Variants in DNAH7 observed in about 807,000 individuals in gnomAD.
The protein encoded by DNAH7 is axonemal beta dynein heavy chain 7.
In DNAH7, 397 loss-of-function variants were observed where a neutral mutation model predicts 444.6. The observed-to-expected ratio is 0.89, with a 90% confidence interval of 0.82 to 0.97. The LOEUF (loss-of-function observed/expected upper bound fraction) is 0.97, where lower values mean the gene tolerates loss of function less well. Ranked by LOEUF, DNAH7 falls within the 50% of genes least tolerant of loss-of-function variation. The pLI is 0.00. For synonymous variants in DNAH7, 1,636 were observed against 1,624.4 expected (o/e 1.01, Z -0.17); for missense variants, 4,902 against 4,800.8 (o/e 1.02, Z -0.62).
At chr2:195,754,545 T>C in intron 62 of DNAH7, 31 bp from the exon 63 acceptor site, 2 of 1,593,842 alleles carry the variant, frequency 1.3e-6, no homozygotes, top group Non-Finnish European at 1.7e-6. Context: ...GGGCTAACAG[T>C]AGCACCTTTC....
intron 7 of DNAH7, among the ~76,000 whole-genome samples, chr2:196,025,962 C>T (rs1695662394): frequency 6.6e-6 from 1 of 152,070 alleles, no homozygotes; most frequent in African/African-American, 2.4e-5. Flanking sequence ...GGCCCTGACT[C>T]CAGGGATTTT....
intron 36 of DNAH7, among the ~76,000 whole-genome samples, chr2:195,878,457 G>A (rs1276104430): frequency 6.6e-6 from 1 of 151,994 alleles, no homozygotes; most frequent in African/African-American, 2.4e-5. Context: ...AAAAATTAGA[G>A]GGTGTGGTGG....
intron 20 of DNAH7, among the ~76,000 whole-genome samples, chr2:195,935,304 G>T (rs957000064): frequency 1.3e-5 from 2 of 152,108 alleles, no homozygotes; most frequent in Non-Finnish European, 2.9e-5. Flanking sequence ...TAATACAGAT[G>T]GGACTGACAC....
chr2:195,865,769 G>T (rs1700298113), intron 40 of DNAH7, among the ~76,000 whole-genome samples: 1 of 152,108 alleles, frequency 6.6e-6, no homozygotes, highest in African/African-American at 2.4e-5. Context: ...TGGGGATAGG[G>T]CCTTTAAGGA....
chr2:195,773,759 A>G (rs972954931), intron 60 of DNAH7, among the ~76,000 whole-genome samples: 1 of 152,200 alleles, frequency 6.6e-6, no homozygotes, highest in Non-Finnish European at 1.5e-5. Context: ...GAGATCCTAG[A>G]CTATTATCTA....
intron 34 of DNAH7, among the ~76,000 whole-genome samples, chr2:195,885,882 G>C (rs1048819506): frequency 1.3e-5 from 2 of 152,180 alleles, no homozygotes; most frequent in Non-Finnish European, 2.9e-5. Context: ...CTGGTCAAAA[G>C]ACCTGAGATT....
intron 24 of DNAH7, among the ~76,000 whole-genome samples, chr2:195,911,685 C>T (rs546612554): frequency 6.6e-5 from 10 of 152,202 alleles, no homozygotes; most frequent in East Asian, 1.9e-4. Context: ...AGGAGAATAA[C>T]GAGTTTTAAG....
At chr2:196,047,527 A>C (rs1697213620) in intron 4 of DNAH7, 28 bp from the exon 5 acceptor site, 11 of 1,511,288 alleles carry the variant, frequency 7.3e-6, no homozygotes, top group African/African-American at 1.4e-5. Flanking sequence ...AAAAAAGCAC[A>C]ATTATTCATC....
intron 2 of DNAH7, among the ~76,000 whole-genome samples, chr2:196,054,223 T>C (rs1575112143): frequency 6.6e-6 from 1 of 152,216 alleles, no homozygotes; most frequent in Non-Finnish European, 1.5e-5. Context: ...CATTCTTTAT[T>C]GTTTAAATTA....
chr2:195,923,877 CT>C, intron 22 of DNAH7, 70 bp from the exon 23 acceptor site: 2 of 1,270,678 alleles, frequency 1.6e-6, no homozygotes, highest in South Asian at 2.5e-5. Context: ...ACATTCTGAA[CT>C]AGTATATATA....
intron 46 of DNAH7, among the ~76,000 whole-genome samples, chr2:195,851,044 G>A (rs538114802): frequency 2.0e-5 from 3 of 152,082 alleles, no homozygotes; most frequent in Non-Finnish European, 2.9e-5. Context: ...TGGGTTCTAG[G>A]AACCCAAGGG....
intron 58 of DNAH7, among the ~76,000 whole-genome samples, chr2:195,785,225 C>A (rs1173801044): frequency 6.6e-6 from 1 of 152,104 alleles, no homozygotes; most frequent in Admixed American, 6.6e-5. Flanking sequence ...CATTTTTAAA[C>A]CAGGAATTTT....
At chr2:196,056,527 G>C (rs752179568) in intron 2 of DNAH7, among the ~76,000 whole-genome samples, 1 of 152,000 alleles carries the variant, frequency 6.6e-6, no homozygotes, top group Non-Finnish European at 1.5e-5. Context: ...TCACACACAT[G>C]AGCAGCCAGA....
At chr2:195,975,433 C>T (rs1692124359) in intron 15 of DNAH7, among the ~76,000 whole-genome samples, 1 of 152,160 alleles carries the variant, frequency 6.6e-6, no homozygotes, top group African/African-American at 2.4e-5. Flanking sequence ...TGAGTTTTGG[C>T]AAACCTTGCC....
intron 40 of DNAH7, among the ~76,000 whole-genome samples, chr2:195,865,671 G>A (rs1700286100): frequency 6.6e-6 from 1 of 152,128 alleles, no homozygotes; most frequent in African/African-American, 2.4e-5. Flanking sequence ...TTAAAGAAGT[G>A]TGTCCCAGGG....
rs140034373 is a variant in DNAH7, at chr2:195,853,392, G to T, written c.8732C>A (p.Ser2911Tyr). ...YINLTGDILI[S>Y]SGVVAYLGAF... ...TCCGAGGTAAGCAACCACTCCGGAG[G>T]AAATGAGGATATCCCCAGTCAAGTT... Residue 2911 changes from serine (S) to tyrosine (Y), a missense_variant, in exon 46 of 65, where the codon TCC becomes TAC. Ser to Tyr is a moderately radical substitution (Grantham distance 144). Transcript: ENST00000312428. 6.2e-7 allele frequency: 1 copy of T among 1,613,914 alleles called. No individual in the cohort carries two copies. Among genetic ancestry groups the T allele is most frequent in the Non-Finnish European group, 8.5e-7 (1 of 1,179,990 alleles).
At chr2:195,860,875 T>G (rs1212698698) in intron 42 of DNAH7, among the ~76,000 whole-genome samples, 1 of 152,122 alleles carries the variant, frequency 6.6e-6, no homozygotes, top group Non-Finnish European at 1.5e-5. Flanking sequence ...AAATTTACAT[T>G]TGTGCTTTTA....
Position 195,980,827 on chromosome 2 carries a change from C to A in DNAH7, c.1833+3805G>T, listed in dbSNP as rs567535834. Reference sequence around the variant, plus strand: ...CATTGCTTCATGATAAAAAAAAAAACCCTCAAAAATTGTGCACAGGAGGAC... The same window carrying A: ...CATTGCTTCATGATAAAAAAAAAAAACCTCAAAAATTGTGCACAGGAGGAC... On this transcript the variant is annotated intron_variant, in intron 15 of 64. Coordinates refer to ENST00000312428, the MANE Select transcript of DNAH7 (RefSeq NM_018897.3). Among the ~76,000 whole-genome samples, 21 of 147,084 alleles carry A rather than the reference C, an allele frequency of 1.4e-4. No individual in the cohort carries two copies. The South Asian group carries it at 2.1e-3, about 15-fold the overall frequency.
intron 5 of DNAH7, among the ~76,000 whole-genome samples, chr2:196,045,903 T>C (rs1697091866): frequency 6.6e-6 from 1 of 152,006 alleles, no homozygotes; most frequent in Non-Finnish European, 1.5e-5. Context: ...TCCACATATA[T>C]GAGAAATACC....
Sources: allele counts gnomAD v4.1 joint callset (sites outside exome capture counted in the v4.1 genomes callset), GRCh38; gene constraint gnomAD v4.1.1; transcripts MANE v1.5; gene names NCBI Gene and HGNC (gene_info 2026-07-23, HGNC 2026-07-21).